Variants in FAM120B observed in about 807,000 individuals in gnomAD.
FAM120B encodes family with sequence similarity 120 member B, also known as constitutive coactivator of peroxisome proliferator-activated receptor gamma.
FAM120B carries 83 observed loss-of-function variants against 96.3 expected under a neutral mutation model. The observed-to-expected ratio is 0.86, with a 90% CI of 0.72 to 1.03. The LOEUF (loss-of-function observed/expected upper bound fraction) is 1.03. Among genes scored for constraint, FAM120B ranks in the 50% least tolerant of loss-of-function variants. The pLI is 0.00. For synonymous variants in FAM120B, 407 were observed against 402.7 expected, an observed-to-expected ratio of 1.01 and a Z score of -0.13; for missense variants, 1,027 against 1,121.2, an observed-to-expected ratio of 0.92 and a Z score of 1.20.
chr6:170,392,839 A>G (rs1202871739), intron 8 of FAM120B, among the ~76,000 whole-genome samples: 1 of 152,224 alleles, frequency 6.6e-6, no homozygotes, highest in Non-Finnish European at 1.5e-5. Flanking sequence ...GCCATGTCCA[A>G]CCATGAGAGG....
intron 9 of FAM120B, among the ~76,000 whole-genome samples, chr6:170,397,839 CA>C (rs1467162764): frequency 2.0e-5 from 3 of 152,208 alleles, no homozygotes; most frequent in Non-Finnish European, 2.9e-5. Flanking sequence ...CAGCAGAACC[CA>C]CCTGACCCAG....
At chr6:170,382,675 C>T (rs1037904908) in intron 6 of FAM120B, among the ~76,000 whole-genome samples, 3 of 152,058 alleles carry the variant, frequency 2.0e-5, no homozygotes, top group Non-Finnish European at 4.4e-5. Context: ...GAGACACATA[C>T]CGTGTTCATG....
At chr6:170,328,191 T>C (rs1785734747) in intron 3 of FAM120B, among the ~76,000 whole-genome samples, 1 of 152,224 alleles carries the variant, frequency 6.6e-6, no homozygotes, top group African/African-American at 2.4e-5. Flanking sequence ...TTTCTTTATA[T>C]CATTCTATAA....
intron 7 of FAM120B, among the ~76,000 whole-genome samples, chr6:170,388,967 G>T (rs1790342379): frequency 6.6e-6 from 1 of 152,162 alleles, no homozygotes; most frequent in Non-Finnish European, 1.5e-5. Context: ...AAGTGAGCTA[G>T]AGAAAAGAAA....
chr6:170,296,633 G>A (rs1439571353), intron 1 of FAM120B, among the ~76,000 whole-genome samples: 1 of 151,906 alleles, frequency 6.6e-6, no homozygotes, highest in Non-Finnish European at 1.5e-5. Flanking sequence ...GGGGGCCGGG[G>A]TCGGCGGGCG....
intron 1 of FAM120B, among the ~76,000 whole-genome samples, chr6:170,311,117 T>C (rs1257084213): frequency 6.6e-6 from 1 of 152,234 alleles, no homozygotes; most frequent in Admixed American, 6.5e-5. Context: ...TGAACAGCCA[T>C]AGCACCTGGT....
chr6:170,364,817 G>C (rs1169893815), intron 6 of FAM120B, among the ~76,000 whole-genome samples: 2 of 152,178 alleles, frequency 1.3e-5, no homozygotes, highest in Non-Finnish European at 2.9e-5. Flanking sequence ...AGATAACTGT[G>C]GTGGCGTTTT....
intron 4 of FAM120B, among the ~76,000 whole-genome samples, chr6:170,340,070 A>G (rs1786716013): frequency 6.6e-6 from 1 of 152,160 alleles, no homozygotes; most frequent in Admixed American, 6.5e-5. Context: ...CCTGGATAAT[A>G]TCCTAAAGTG....
intron 3 of FAM120B, among the ~76,000 whole-genome samples, chr6:170,327,207 C>G (rs1405015379): frequency 6.6e-6 from 1 of 152,056 alleles, no homozygotes; most frequent in African/African-American, 2.4e-5. Flanking sequence ...CCACCATGCC[C>G]GGCTAATTTT....
At chr6:170,400,494 T>G (rs1009443612) in intron 9 of FAM120B, among the ~76,000 whole-genome samples, 2 of 152,128 alleles carry the variant, frequency 1.3e-5, no homozygotes, top group Non-Finnish European at 2.9e-5. Context: ...AGGCTGACTT[T>G]GTCTCAAGCG....
chr6:170,320,776 G>T (rs1785235282), intron 2 of FAM120B, among the ~76,000 whole-genome samples: 1 of 152,210 alleles, frequency 6.6e-6, no homozygotes, highest in Non-Finnish European at 1.5e-5. Context: ...GGAGACTTAA[G>T]GAACAGTCCA....
At chr6:170,404,491 T>G in intron 9 of FAM120B, 59 bp from the exon 10 acceptor site, 1 of 1,438,032 alleles carries the variant, frequency 7.0e-7, no homozygotes, top group Non-Finnish European at 9.7e-7. Flanking sequence ...GCAGCATTCT[T>G]GTTTGTGTAT....
At position 170,391,086 on chromosome 6, in the gene FAM120B, T is replaced by C; in HGVS notation, c.2564T>C (p.Ile855Thr). 1 of 1,614,112 alleles carries C rather than the reference T, an allele frequency of 6.2e-7. No homozygotes were observed. The highest frequency in any genetic ancestry group is 8.5e-7 in the Non-Finnish European group (1 of 1,180,012). Residue 855 changes from isoleucine to threonine, a missense_variant, in exon 8 of 11, where the codon ATC (isoleucine) becomes ACC (threonine). Transcript: ENST00000476287. The stretch of plus-strand genomic sequence containing the variant: ...GCCTGCATGAAGGAGAACAGACGCA[T>C]CACTGGCCGAGCCCACTGGGGCTCA... The part of the protein sequence containing the change: ...CKACMKENRR[I>T]TGRAHWGSHH...
upstream of FAM120B, among the ~76,000 whole-genome samples, chr6:170,305,702 A>G (rs1201875554): frequency 6.6e-6 from 1 of 152,220 alleles, no homozygotes; most frequent in African/African-American, 2.4e-5. Context: ...TTTCAGAAAA[A>G]TAAATCAGAT....
chr6:170,399,624 C>A (rs76567766), intron 9 of FAM120B, among the ~76,000 whole-genome samples: 1 of 108,346 alleles, frequency 9.2e-6, no homozygotes, highest in Admixed American at 1.0e-4. Context: ...ATGTCATAAG[C>A]CTTAGGAGTG....
chr6:170,336,754 T>G (rs1786452699), intron 4 of FAM120B, among the ~76,000 whole-genome samples: 1 of 152,196 alleles, frequency 6.6e-6, no homozygotes, highest in African/African-American at 2.4e-5. Flanking sequence ...TCACGTCATT[T>G]GTAAGTTGTA....
In FAM120B at chr6:170,404,011, G is replaced by T. The variant is rs905635114; in HGVS notation, c.2693-539G>T. Among the ~76,000 whole-genome samples, 3 of 152,190 alleles carry T rather than the reference G, an allele frequency of 2.0e-5. No homozygotes were observed. In the South Asian group the frequency reaches 6.2e-4, roughly 32 times the overall value. On this transcript the variant is annotated intron_variant, in intron 9 of 10. Coordinates refer to ENST00000476287, the MANE Select transcript of FAM120B (RefSeq NM_032448.3). ...AGGCTCTTGCCGTCATACACCAGAA[G>T]ATAACTCAGAGCAGGGAACTCTGGA... is the stretch of plus-strand genomic sequence containing the variant.
At chr6:170,342,731 T>G (rs1429889732) in intron 4 of FAM120B, among the ~76,000 whole-genome samples, 1 of 152,210 alleles carries the variant, frequency 6.6e-6, no homozygotes, top group African/African-American at 2.4e-5. Flanking sequence ...TACCAAATTG[T>G]GTACCGGGGT....
intron 6 of FAM120B, among the ~76,000 whole-genome samples, chr6:170,364,248 C>T (rs1001385760): frequency 1.3e-5 from 2 of 152,134 alleles, no homozygotes; most frequent in African/African-American, 4.8e-5. Context: ...TTTGAGCCTG[C>T]GATGTCCCTT....
Sources: allele counts gnomAD v4.1 joint callset (sites outside exome capture counted in the v4.1 genomes callset), GRCh38; gene constraint gnomAD v4.1.1; transcripts MANE v1.5; gene names NCBI Gene and HGNC (gene_info 2026-07-23, HGNC 2026-07-21).